PDGFD: variants seen among roughly 807,000 people sequenced by gnomAD.
The protein encoded by PDGFD is platelet derived growth factor D.
A neutral mutation model predicts 44.7 loss-of-function variants in PDGFD; 30 were observed. The observed-to-expected ratio is 0.67, with a 90% CI of 0.50 to 0.91. PDGFD has a LOEUF of 0.91. Ranked by LOEUF, PDGFD falls within the 40% of genes least tolerant of loss-of-function variation. PDGFD has a pLI of 0.00. For missense variants in PDGFD, 445 were observed against 457.8 expected (o/e 0.97, Z 0.25); for synonymous variants, 173 against 168.4 (o/e 1.03, Z -0.21).
chr11:104,155,922 C>T (rs1862300698), intron 1 of PDGFD, among the ~76,000 whole-genome samples: 1 of 152,194 alleles, frequency 6.6e-6, no homozygotes, highest in African/African-American at 2.4e-5. Flanking sequence ...CATCTCTGAG[C>T]TCTTCAGTCC....
intron 1 of PDGFD, among the ~76,000 whole-genome samples, chr11:104,120,518 T>C (rs951987160): frequency 6.6e-6 from 1 of 151,936 alleles, no homozygotes; most frequent in Non-Finnish European, 1.5e-5. Context: ...CATTTATCCT[T>C]TTTGTTATTC....
chr11:104,067,949 G>T lies in PDGFD; in HGVS notation c.125-67694C>A, dbSNP rs1235792922. On this transcript the variant is annotated intron_variant, in intron 1 of 6. Transcript: ENST00000393158. Reference sequence around the variant, plus strand: ...GGAATAATGCTAATAAGACTGCAGGGAAGAAAGAATTATATATGTGAAATT... The same window carrying T: ...GGAATAATGCTAATAAGACTGCAGGTAAGAAAGAATTATATATGTGAAATT... Among the ~76,000 whole-genome samples, 3 of 152,100 alleles carry T rather than the reference G, an allele frequency of 2.0e-5. No individual in the cohort carries two copies. In the East Asian group the frequency reaches 5.8e-4, roughly 29 times the overall value.
At chr11:103,919,426 G>C (rs1858174593) in intron 6 of PDGFD, among the ~76,000 whole-genome samples, 1 of 150,670 alleles carries the variant, frequency 6.6e-6, no homozygotes, top group Non-Finnish European at 1.5e-5. Flanking sequence ...ATTAATGGCT[G>C]ACTTAGGAAC....
At chr11:104,159,931 G>A (rs1240423679) in intron 1 of PDGFD, among the ~76,000 whole-genome samples, 1 of 152,084 alleles carries the variant, frequency 6.6e-6, no homozygotes, top group Non-Finnish European at 1.5e-5. Flanking sequence ...TCAATGCCAG[G>A]TTACATTTAA....
chr11:103,915,010 G>A (rs1296221306), intron 6 of PDGFD, among the ~76,000 whole-genome samples: 1 of 152,134 alleles, frequency 6.6e-6, no homozygotes, highest in Non-Finnish European at 1.5e-5. Context: ...GGCAAAAACT[G>A]GAAGCATTCC....
chr11:104,037,315 C>A lies in PDGFD; in HGVS notation c.125-37060G>T, dbSNP rs775701319. 5 of 1,613,558 alleles carry A rather than the reference C, an allele frequency of 3.1e-6. No homozygotes were observed. The highest frequency in any genetic ancestry group is 4.2e-6 in the Non-Finnish European group (5 of 1,179,648). ...TCTGTCCCTGCTCAAGGAACGCAAC[C>A]CTCCCTTGGCGGAAGCCCTGCTCAG... On this transcript the variant is annotated intron_variant, in intron 1 of 6. Transcript: ENST00000393158.
chr11:104,159,740 G>A (rs1045852852), intron 1 of PDGFD, among the ~76,000 whole-genome samples: 6 of 152,044 alleles, frequency 3.9e-5, no homozygotes, highest in Non-Finnish European at 8.8e-5. Flanking sequence ...ATACAGTTTT[G>A]CTTTCATTCA....
chr11:104,126,306 A>C (rs1221647956), intron 1 of PDGFD, among the ~76,000 whole-genome samples: 1 of 152,158 alleles, frequency 6.6e-6, no homozygotes, highest in Non-Finnish European at 1.5e-5. Flanking sequence ...AGCAGGACAC[A>C]GGGACGCCCT....
intron 4 of PDGFD, 66 bp from the exon 5 acceptor site, chr11:103,943,716 CA>C (rs1858627215): frequency 2.4e-5 from 33 of 1,355,910 alleles, no homozygotes; most frequent in Non-Finnish European, 3.3e-5. Flanking sequence ...AACAGTCATT[CA>C]ACTATACGGA....
intron 1 of PDGFD, among the ~76,000 whole-genome samples, chr11:104,078,665 T>C (rs1434606825): frequency 1.0e-5 from 1 of 96,790 alleles, no homozygotes; most frequent in East Asian, 3.4e-4. Context: ...ATGAGTACAT[T>C]AATTTCAGCC....
intron 1 of PDGFD, chr11:104,037,287 C>G (rs77123941): frequency 1.2e-6 from 2 of 1,613,264 alleles, no homozygotes; most frequent in South Asian, 1.1e-5. Flanking sequence ...CCAACCCCCA[C>G]GATCTGTCCC....
intron 1 of PDGFD, among the ~76,000 whole-genome samples, chr11:104,004,583 T>A (rs1430676976): frequency 6.6e-6 from 1 of 152,156 alleles, no homozygotes; most frequent in African/African-American, 2.4e-5. Flanking sequence ...GTTTTCAATT[T>A]CACAAATTTG....
intron 1 of PDGFD, among the ~76,000 whole-genome samples, chr11:104,078,417 T>C (rs1860998582): frequency 6.6e-6 from 1 of 152,132 alleles, no homozygotes; most frequent in Non-Finnish European, 1.5e-5. Context: ...TATCCTTTTC[T>C]ACTGCAGGCT....
chr11:104,011,250 T>C (rs959235934), intron 1 of PDGFD, among the ~76,000 whole-genome samples: 3 of 152,096 alleles, frequency 2.0e-5, no homozygotes, highest in African/African-American at 7.2e-5. Context: ...CACTTCTGAC[T>C]AAAGGGCTCA....
At chr11:104,112,151 G>T (rs886836246) in intron 1 of PDGFD, among the ~76,000 whole-genome samples, 1 of 152,124 alleles carries the variant, frequency 6.6e-6, no homozygotes, top group Non-Finnish European at 1.5e-5. Context: ...GAAATAGTAA[G>T]ATTAAATCAA....
At chr11:103,970,010 AT>A (rs554056723) in intron 3 of PDGFD, among the ~76,000 whole-genome samples, 393 of 152,204 alleles carry the variant, frequency 2.6e-3, no homozygotes, top group African/African-American at 9.1e-3. Context: ...GTCTGTGCTA[AT>A]TATACACACT....
At chr11:103,968,037 C>G (rs1463860533) in intron 3 of PDGFD, among the ~76,000 whole-genome samples, 1 of 152,154 alleles carries the variant, frequency 6.6e-6, no homozygotes, top group South Asian at 2.1e-4. Flanking sequence ...CCAAAGCCAA[C>G]GCAACTTCTA....
chr11:104,050,521 T>C (rs1175761426), intron 1 of PDGFD, among the ~76,000 whole-genome samples: 1 of 152,158 alleles, frequency 6.6e-6, no homozygotes, highest in East Asian at 1.9e-4. Flanking sequence ...ATAATTTTGG[T>C]TCTAATACCA....
At chr11:104,057,130 C>T (rs972035354) in intron 1 of PDGFD, among the ~76,000 whole-genome samples, 16 of 152,074 alleles carry the variant, frequency 1.1e-4, no homozygotes, top group Admixed American at 5.2e-4. Context: ...TCGTCCCCTC[C>T]CCCTACAAAA....
Sources: gnomAD v4.1 joint callset for allele counts (sites outside exome capture counted in the v4.1 genomes callset) on GRCh38, gnomAD v4.1.1 for gene constraint, MANE v1.5 for transcripts, NCBI Gene and HGNC (gene_info 2026-07-23, HGNC 2026-07-21) for gene names.